The following CARMIL2 variants were observed in gnomAD, a reference collection of about 807,000 sequenced individuals.
CARMIL2 encodes capping protein, Arp2/3 and myosin-I linker protein 2.
A neutral mutation model predicts 173.3 loss-of-function variants in CARMIL2; 96 were observed. That is an observed-to-expected ratio of 0.55 (90% CI 0.47 to 0.66). The LOEUF (loss-of-function observed/expected upper bound fraction) is 0.66. CARMIL2 is among the 30% of genes least tolerant of loss of function. CARMIL2 has a pLI of 0.00. For synonymous variants in CARMIL2, 830 were observed against 817.1 expected (o/e 1.02, Z -0.27); for missense variants, 1,771 against 1,906.7 (o/e 0.93, Z 1.33).
chr16:67,654,648 C>T lies in CARMIL2; in HGVS notation c.3538C>T (p.Leu1180=). ...TAGCAAGGCCTACTCGATGATACTG[C>T]TGCCTGCCGAGGAGGAGGCAACGCT... ...RDSKAYSMIL[L]PAEEEATLGA... Residue 1180 remains leucine (L), a synonymous_variant, in exon 31 of 38, where the codon CTG becomes TTG. Transcript: ENST00000334583. The T allele has an allele frequency of 6.3e-7, 1 of 1,587,438 alleles. No individual in the cohort carries two copies.
rs571142280 is a variant in CARMIL2, at chr16:67,645,303, C to A, written c.40+17C>A. The A allele has an allele frequency of 6.2e-7, 1 of 1,600,910 alleles. No individual in the cohort carries two copies. Among genetic ancestry groups the A allele is most frequent in the Admixed American group, 1.7e-5 (1 of 58,558 alleles). ...AGCTCCGAGGTAAGCGCTGGCCCTT[C>A]CTGCCTTCTTGGCCGGGAGGAAGTA... On this transcript the variant is annotated intron_variant, in intron 1 of 37. Coordinates refer to ENST00000334583, the MANE Select transcript of CARMIL2 (RefSeq NM_001013838.3).
intron 35 of CARMIL2, 24 bp from the exon 36 acceptor site, chr16:67,656,777 C>T: frequency 6.5e-7 from 1 of 1,549,984 alleles, no homozygotes; most frequent in Non-Finnish European, 8.7e-7. Context: ...GTTGGAATAC[C>T]CCTGATTCCC....
Position 67,651,629 on chromosome 16 carries a change from CCAG to C in CARMIL2, c.2428-51_2428-49del. 1 of 1,583,756 alleles carries C rather than the reference CCAG, an allele frequency of 6.3e-7. No homozygotes were observed. The highest frequency in any genetic ancestry group is 8.6e-7 in the Non-Finnish European group (1 of 1,165,598). ...ATTCTGTTGGAGTTGGAGCCTCAAGCCAGCAGCCTGGTGTCTGGCCACATCCTC... is the reference window on the plus strand; with the variant it reads ...ATTCTGTTGGAGTTGGAGCCTCAAGCCAGCCTGGTGTCTGGCCACATCCTC... On this transcript the variant is annotated intron_variant, in intron 24 of 37. Transcript: ENST00000334583. This position sits in a 1 kb window ranked among gnomAD's most constrained non-coding sequence, Gnocchi z 4.2.
chr16:67,656,390 G>T, intron 34 of CARMIL2, 34 bp from the exon 35 acceptor site: 1 of 1,609,974 alleles, frequency 6.2e-7, no homozygotes, highest in South Asian at 1.1e-5. Context: ...GCCAATGCCT[G>T]ACCAGGTCTT....
Position 67,651,500 on chromosome 16 carries a change from C to T in CARMIL2, c.2413C>T (p.Arg805Cys), listed in dbSNP as rs752624862. The T allele has an allele frequency of 4.8e-5, 76 of 1,591,042 alleles. No homozygotes were observed. Among genetic ancestry groups the T allele is most frequent in the Admixed American group, 2.1e-4 (12 of 57,784 alleles). ...TCTGAGACAGGTGGGCGAGGTCTGCCGCCAGGACATCCAGGTGAGAGGGTA... is the reference window on the plus strand; with the variant it reads ...TCTGAGACAGGTGGGCGAGGTCTGCTGCCAGGACATCCAGGTGAGAGGGTA... ...GLLRQVGEVC[R>C]QDIQDFTQAT... The change falls in exon 24 of 38, where the codon CGC (arginine) becomes TGC (cysteine). Residue 805 changes from arginine (R) to cysteine (C), a missense_variant. Coordinates refer to ENST00000334583, the MANE Select transcript of CARMIL2 (RefSeq NM_001013838.3). The surrounding 1 kb of genome is among the most constrained non-coding windows in gnomAD (Gnocchi z 4.2).
rs1385143329 is a variant in CARMIL2 at position 67,646,444 on chromosome 16, C to A, written c.393C>A (p.Pro131=). Reference sequence around the variant, plus strand: ...CTACCAGGAAGCTATTCCGGAGGCCCACACCAGCCTCCATGCTGGCTCGGC... The same window carrying A: ...CTACCAGGAAGCTATTCCGGAGGCCAACACCAGCCTCCATGCTGGCTCGGC... The part of the protein sequence containing the change: ...RSTLGKLFRR[P]TPASMLARLE... The change falls in exon 6 of 38, where the codon CCC becomes CCA. Residue 131 remains proline, a synonymous_variant. Transcript: ENST00000334583. This position sits in a 1 kb window ranked among gnomAD's most constrained non-coding sequence, Gnocchi z 4.6. 1 of 1,613,618 alleles carries A rather than the reference C, an allele frequency of 6.2e-7. No individual in the cohort carries two copies. Among genetic ancestry groups the A allele is most frequent in the Admixed American group, 1.7e-5 (1 of 59,966 alleles).
At position 67,654,149 on chromosome 16, in the gene CARMIL2, G is replaced by C. The variant is rs1181566332; in HGVS notation, c.3121G>C (p.Val1041Leu). Residue 1041 changes from valine to leucine, a missense_variant and splice_region_variant, in exon 30 of 38, where the codon GTA (valine) becomes CTA (leucine). Coordinates refer to ENST00000334583, the MANE Select transcript of CARMIL2 (RefSeq NM_001013838.3). The stretch of plus-strand genomic sequence containing the variant: ...CCCCTGACCCCATGATGCCCCCCAG[G>C]TACCCCCAGCCTTGCCGCAGGAAGG... ...HHRPPPGGPQVPPALPQEGNG... is the reference protein window; with the variant it reads ...HHRPPPGGPQLPPALPQEGNG... The C allele has an allele frequency of 6.5e-7, 1 of 1,547,872 alleles. No homozygotes were observed. Among genetic ancestry groups the C allele is most frequent in the Non-Finnish European group, 8.7e-7 (1 of 1,147,772 alleles).
rs2052736311 is a variant in CARMIL2, at chr16:67,652,105, T to C, written c.2677-94T>C. On this transcript the variant is annotated intron_variant, in intron 26 of 37. Transcript: ENST00000334583. This position sits in a 1 kb window ranked among gnomAD's most constrained non-coding sequence, Gnocchi z 4.7. ...GGCTCTGTAATGTCTTCTGGGGTCA[T>C]GTAGCCCAGGGCTATTTCAGGGTCC... 2.6e-5 allele frequency: 42 copies of C among 1,596,912 alleles called. No individual in the cohort carries two copies. The South Asian group carries it at 4.5e-4, about 17-fold the overall frequency.
Position 67,646,193 on chromosome 16 carries a change from T to TTGAGCTGGAGTCCCTGCG in CARMIL2, c.266_283dup (p.Glu89_Leu94dup), listed in dbSNP as rs1373735083. 6.2e-7 allele frequency: 1 copy of TTGAGCTGGAGTCCCTGCG among 1,613,648 alleles called. No individual in the cohort carries two copies. The highest frequency in any genetic ancestry group is 2.2e-5 in the East Asian group (1 of 44,878). ...GTAGTGCCCCTTCCCTAGGTCACCTTTGAGCTGGAGTCCCTGCGTGAGCTG... is the reference window on the plus strand; with the variant it reads ...GTAGTGCCCCTTCCCTAGGTCACCTTTGAGCTGGAGTCCCTGCGTGAGCTGGAGTCCCTGCGTGAGCTG... On this transcript the variant is annotated inframe_insertion, in exon 5 of 38. Transcript: ENST00000334583. This position sits in a 1 kb window ranked among gnomAD's most constrained non-coding sequence, Gnocchi z 4.6.
At chr16:67,655,479 G>T (rs887241681) in intron 32 of CARMIL2, among the ~76,000 whole-genome samples, 1 of 152,168 alleles carries the variant, frequency 6.6e-6, no homozygotes, top group African/African-American at 2.4e-5. Context: ...GCTTGAAATA[G>T]CAAGTCCTCC....
In CARMIL2 at chr16:67,657,028, G is replaced by A; in HGVS notation, c.4117+147G>A. The A allele has an allele frequency of 1.3e-6, 1 of 775,904 alleles. No homozygotes were observed. The highest frequency in any genetic ancestry group is 2.1e-6 in the Non-Finnish European group (1 of 484,018). The allele number at this position is 775,904 out of a possible 1,614,324, so 48.1% of individuals were successfully genotyped here. A position where few individuals can be genotyped will look rare whatever the true frequency, so the allele number is the denominator to read the frequency against. On this transcript the variant is annotated intron_variant, in intron 36 of 37. Transcript: ENST00000334583. The surrounding 1 kb of genome is among the most constrained non-coding windows in gnomAD (Gnocchi z 4.5). ...CAGGGAGCCAGAAGACCAGGTGCAA[G>A]GGTTTGACAGCAAGCCCTTCCAACT...
rs766625421 is a variant in CARMIL2, at chr16:67,647,516, TC to T, written c.787del (p.Arg263AspfsTer30). ...LETCSLRGDF[V>X]RRLAQALAGH... ...TGGGGTCTGGTCCCCAGAGACTTTG[TC>T]CGACGACTGGCCCAGGCGCTGGCGG... On this transcript the variant is annotated frameshift_variant, in exon 11 of 38. Coordinates refer to ENST00000334583, the MANE Select transcript of CARMIL2 (RefSeq NM_001013838.3). LOFTEE classifies it high-confidence loss of function. The T allele has an allele frequency of 6.2e-7, 1 of 1,604,878 alleles. No homozygotes were observed. The highest frequency in any genetic ancestry group is 8.5e-7 in the Non-Finnish European group (1 of 1,176,162).
In CARMIL2 at chr16:67,649,602, G is replaced by GGTC; in HGVS notation, c.1903_1905dup (p.Val635dup). On this transcript the variant is annotated inframe_insertion, in exon 20 of 38. Coordinates refer to ENST00000334583, the MANE Select transcript of CARMIL2 (RefSeq NM_001013838.3). This position sits in a 1 kb window ranked among gnomAD's most constrained non-coding sequence, Gnocchi z 6.7. ...CCAAGTTGCTGGCCAAGGCGCTGCG[G>GGTC]GTCAACTCGAGGCTCCGGTGGGCGG... 6.3e-7 allele frequency: 1 copy of GGTC among 1,598,084 alleles called. No homozygotes were observed.
rs1374552943 is a variant in CARMIL2 at position 67,647,694 on chromosome 16, A to ATGTT, written c.886_887insTGTT (p.Ser296MetfsTer67). 1.3e-6 allele frequency: 2 copies of ATGTT among 1,599,394 alleles called. No homozygotes were observed. Among genetic ancestry groups the ATGTT allele is most frequent in the African/African-American group, 1.3e-5 (1 of 74,572 alleles). ...CACCCCCCAAGGCATGACTGCACTC[A>ATGTT]GCAGACACCTCGAGCGTTGTCCAGG... is the stretch of plus-strand genomic sequence containing the variant. On this transcript the variant is annotated frameshift_variant, in exon 12 of 38. Coordinates refer to ENST00000334583, the MANE Select transcript of CARMIL2 (RefSeq NM_001013838.3). LOFTEE classifies it high-confidence loss of function.
At chr16:67,647,023 C>T in intron 8 of CARMIL2, 50 bp downstream of exon 8, 1 of 1,602,242 alleles carries the variant, frequency 6.2e-7, no homozygotes, top group Non-Finnish European at 8.5e-7. Context: ...GGGCCCATAT[C>T]CCTGGGCCTC....
chr16:67,645,786 C>T lies in CARMIL2; in HGVS notation c.186+9C>T, dbSNP rs771451109. The T allele has an allele frequency of 1.5e-5, 24 of 1,611,122 alleles. No individual in the cohort carries two copies. Among genetic ancestry groups the T allele is most frequent in the Non-Finnish European group, 2.0e-5 (24 of 1,179,846 alleles). On this transcript the variant is annotated intron_variant, in intron 3 of 37. Transcript: ENST00000334583. ...CCTGCCTCCCGCTGAGGGTGAGTCC[C>T]AGGGCCTGGCCACACCCCCGCCCGC...
At position 67,654,645 on chromosome 16, in the gene CARMIL2, C is replaced by T. The variant is rs2052803088; in HGVS notation, c.3535C>T (p.Leu1179=). Residue 1179 remains leucine (L), a synonymous_variant, in exon 31 of 38, where the codon CTG becomes TTG. Coordinates refer to ENST00000334583, the MANE Select transcript of CARMIL2 (RefSeq NM_001013838.3). ...AGATAGCAAGGCCTACTCGATGATACTGCTGCCTGCCGAGGAGGAGGCAAC... is the reference window on the plus strand; with the variant it reads ...AGATAGCAAGGCCTACTCGATGATATTGCTGCCTGCCGAGGAGGAGGCAAC... ...TRDSKAYSMI[L]LPAEEEATLG... 1 of 1,587,714 alleles carries T rather than the reference C, an allele frequency of 6.3e-7. No homozygotes were observed. The highest frequency in any genetic ancestry group is 8.6e-7 in the Non-Finnish European group (1 of 1,165,554).
intron 3 of CARMIL2, 83 bp downstream of exon 3, chr16:67,645,860 G>A: frequency 6.3e-7 from 1 of 1,575,986 alleles, no homozygotes; most frequent in South Asian, 1.1e-5. Flanking sequence ...GTCCTTCTTG[G>A]CCTTGTGGGC....
Position 67,654,208 on chromosome 16 carries a change from G to A in CARMIL2, c.3180G>A (p.Val1060=), listed in dbSNP as rs1292617719. ...NGLSARVDEG[V]EEFFSKRLIQ... ...TCAGTGCCCGCGTGGACGAGGGCGT[G>A]GAGGAATTCTTCTCCAAAAGGCTGA... The change falls in exon 30 of 38, where the codon GTG becomes GTA. Residue 1060 remains valine, a synonymous_variant. Transcript: ENST00000334583. 2.5e-6 allele frequency: 4 copies of A among 1,572,016 alleles called. No individual in the cohort carries two copies. In the South Asian group the frequency reaches 4.7e-5, roughly 18 times the overall value.
Sources: gnomAD v4.1 joint callset for allele counts (sites outside exome capture counted in the v4.1 genomes callset) on GRCh38, gnomAD v4.1.1 for gene constraint, Gnocchi (gnomAD v3.1) non-coding constraint, MANE v1.5 for transcripts, NCBI Gene and HGNC (gene_info 2026-07-23, HGNC 2026-07-21) for gene names.